Variants in ZBTB20 observed in about 807,000 individuals in gnomAD.
ZBTB20 encodes the protein zinc finger and BTB domain containing 20.
A neutral mutation model predicts 56.9 loss-of-function variants in ZBTB20; 9 were observed. That is an observed-to-expected ratio of 0.16 (90% CI 0.10 to 0.28). ZBTB20 has a LOEUF of 0.28. Ranked by LOEUF, ZBTB20 falls within the 10% of genes least tolerant of loss-of-function variation. ZBTB20 has a pLI of 1.00. For synonymous variants in ZBTB20, 417 were observed against 420.7 expected, an observed-to-expected ratio of 0.99 and a Z score of 0.11; for missense variants, 655 against 1,003.0, an observed-to-expected ratio of 0.65 and a Z score of 4.69.
rs993294564 is a variant in ZBTB20 at position 114,321,407 on chromosome 3, G to C, written c.*17598C>G. 6 of 152,230 alleles carry C rather than the reference G, an allele frequency of 3.9e-5. No homozygotes were observed. The highest frequency in any genetic ancestry group is 1.4e-4 in the African/African-American group (6 of 41,438). The allele number at this position is 152,230 out of a possible 1,614,324, so 9.4% of individuals were successfully genotyped here. On this transcript the variant is annotated 3_prime_UTR_variant, in exon 12 of 12. Transcript: ENST00000675478. ...TATATGTCAGCTCAGCTCCTGACAT[G>C]ATATCCATGCTTATTGGCCTCCTGG... is the stretch of plus-strand genomic sequence containing the variant.
At chr3:114,881,131 T>C (rs2937259) in intron 4 of ZBTB20, among the ~76,000 whole-genome samples, 128,178 of 152,026 alleles carry the variant, frequency 0.84, 55,085 homozygotes, top group East Asian at 0.99. Flanking sequence ...CAGATGTAAA[T>C]ATAATAGATG....
intron 7 of ZBTB20, among the ~76,000 whole-genome samples, chr3:114,437,914 G>T (rs1487762248): frequency 1.3e-5 from 2 of 152,030 alleles, no homozygotes; most frequent in Non-Finnish European, 2.9e-5. Flanking sequence ...GTGTGGACAG[G>T]CCCATCCATC....
intron 5 of ZBTB20, among the ~76,000 whole-genome samples, chr3:114,754,140 C>T (rs1471383561): frequency 2.0e-5 from 3 of 152,170 alleles, no homozygotes; most frequent in Non-Finnish European, 4.4e-5. Flanking sequence ...GCTTGGGCCC[C>T]TTCATACTGT....
At chr3:114,674,986 A>G (rs2061548304) in intron 6 of ZBTB20, among the ~76,000 whole-genome samples, 2 of 150,850 alleles carry the variant, frequency 1.3e-5, no homozygotes. Context: ...TCTAGTAGAG[A>G]GCAAATCGAG....
At chr3:114,633,892 TA>T (rs1193465867) in intron 6 of ZBTB20, among the ~76,000 whole-genome samples, 1 of 152,172 alleles carries the variant, frequency 6.6e-6, no homozygotes, top group African/African-American at 2.4e-5. Flanking sequence ...CCCTTATTTA[TA>T]AATGACATGT....
intron 4 of ZBTB20, among the ~76,000 whole-genome samples, chr3:114,811,391 T>A (rs2072503010): frequency 6.6e-6 from 1 of 152,196 alleles, no homozygotes; most frequent in African/African-American, 2.4e-5. Flanking sequence ...CACAATAAAG[T>A]TCCCTTGAGA....
In ZBTB20 at chr3:114,316,491, C is replaced by T. The variant is rs1313275115; in HGVS notation, c.*22514G>A. On this transcript the variant is annotated 3_prime_UTR_variant, in exon 12 of 12. Coordinates refer to ENST00000675478, the MANE Select transcript of ZBTB20 (RefSeq NM_001348800.3). The stretch of plus-strand genomic sequence containing the variant: ...ATATATGCACATATACACACCTATA[C>T]ATGTATAATATATACACTATATATA... 5.8e-6 allele frequency: 3 copies of T among 517,626 alleles called. No individual in the cohort carries two copies. Among genetic ancestry groups the T allele is most frequent in the Non-Finnish European group, 7.9e-6 (2 of 252,956 alleles). The allele number at this position is 517,626 out of a possible 1,614,324, so 32.1% of individuals were successfully genotyped here. A position where few individuals can be genotyped will look rare whatever the true frequency, so the allele number is the denominator to read the frequency against.
intron 6 of ZBTB20, among the ~76,000 whole-genome samples, chr3:114,539,985 G>A (rs2048930195): frequency 6.6e-6 from 1 of 151,348 alleles, no homozygotes; most frequent in African/African-American, 2.4e-5. Context: ...GTGTCATGGG[G>A]GTTGTACAGA....
At chr3:114,572,912 T>G (rs536676397) in intron 6 of ZBTB20, among the ~76,000 whole-genome samples, 2 of 152,350 alleles carry the variant, frequency 1.3e-5, no homozygotes, top group South Asian at 4.1e-4. Flanking sequence ...ATTTTATCAG[T>G]AGTACTTTAT....
intron 6 of ZBTB20, among the ~76,000 whole-genome samples, chr3:114,606,058 G>A (rs1181844970): frequency 6.6e-6 from 1 of 152,162 alleles, no homozygotes; most frequent in African/African-American, 2.4e-5. Flanking sequence ...TCCCAGCAGA[G>A]AACTGTACTT....
intron 3 of ZBTB20, among the ~76,000 whole-genome samples, chr3:114,919,313 G>GA (rs2075865054): frequency 6.6e-6 from 1 of 151,802 alleles, no homozygotes; most frequent in African/African-American, 2.4e-5. Context: ...GTGACCACAG[G>GA]AAAAAACCTC....
In ZBTB20 at chr3:114,811,002, C is replaced by T. The variant is rs567173273; in HGVS notation, c.-416-9828G>A. ...TCCCATGGGAGATAAATAGTTTTGC[C>T]TCACTCTATAGAGTTTGGAGAAACC... On this transcript the variant is annotated intron_variant, in intron 4 of 11. Coordinates refer to ENST00000675478, the MANE Select transcript of ZBTB20 (RefSeq NM_001348800.3). Among the ~76,000 whole-genome samples the T allele has an allele frequency of 1.1e-4, 17 of 152,226 alleles. No individual in the cohort carries two copies. The South Asian group carries it at 2.1e-3, about 19-fold the overall frequency.
intron 4 of ZBTB20, among the ~76,000 whole-genome samples, chr3:114,857,574 T>C (rs2075309425): frequency 6.6e-6 from 1 of 152,174 alleles, no homozygotes; most frequent in South Asian, 2.1e-4. Context: ...CAATGCTCTA[T>C]GCTGATGAGA....
At chr3:115,055,401 G>A (rs2081736701) in intron 2 of ZBTB20, among the ~76,000 whole-genome samples, 1 of 152,004 alleles carries the variant, frequency 6.6e-6, no homozygotes. Flanking sequence ...TATCTTCACT[G>A]CAACCTACAA....
At chr3:114,839,406 T>TGAAAGAAGGAAA (rs2074267426) in intron 4 of ZBTB20, among the ~76,000 whole-genome samples, 1 of 72,692 alleles carries the variant, frequency 1.4e-5, no homozygotes, top group Non-Finnish European at 2.6e-5. Context: ...AGAGCCTGTC[T>TGAAAGAAGGAAA]GAAAGAAAGA....
At chr3:114,489,281 T>C (rs1328562356) in intron 7 of ZBTB20, among the ~76,000 whole-genome samples, 2 of 152,168 alleles carry the variant, frequency 1.3e-5, no homozygotes, top group African/African-American at 4.8e-5. Flanking sequence ...ACTAACTAGC[T>C]CTCTTAGTAG....
chr3:114,823,877 A>T (rs1169925972), intron 4 of ZBTB20, among the ~76,000 whole-genome samples: 1 of 152,032 alleles, frequency 6.6e-6, no homozygotes, highest in Non-Finnish European at 1.5e-5. Context: ...AAAACACATA[A>T]TGCACTAGTA....
chr3:114,526,219 T>C (rs2047202671), intron 6 of ZBTB20, among the ~76,000 whole-genome samples: 1 of 152,212 alleles, frequency 6.6e-6, no homozygotes, highest in South Asian at 2.1e-4. Flanking sequence ...TCTTTTAAAC[T>C]ACCTTGCATA....
chr3:114,811,475 A>G (rs926218273), intron 4 of ZBTB20, among the ~76,000 whole-genome samples: 22 of 152,348 alleles, frequency 1.4e-4, no homozygotes, highest in African/African-American at 5.3e-4. Context: ...AGAGATAAAC[A>G]TATAGTATCT....
Sources: allele counts gnomAD v4.1 joint callset (sites outside exome capture counted in the v4.1 genomes callset), GRCh38; gene constraint gnomAD v4.1.1; transcripts MANE v1.5; gene names NCBI Gene and HGNC (gene_info 2026-07-23, HGNC 2026-07-21).